CADM2: variants seen among roughly 807,000 people sequenced by gnomAD.
The protein encoded by CADM2 is immunoglobulin superfamily member 4D.
A neutral mutation model predicts 49.8 loss-of-function variants in CADM2; 12 were observed. The observed-to-expected ratio is 0.24, with a 90% CI of 0.15 to 0.39. CADM2 has a LOEUF of 0.39. CADM2 is among the 10% of genes least tolerant of loss of function. The pLI is 1.00. For synonymous variants in CADM2, 214 were observed against 175.4 expected, an observed-to-expected ratio of 1.22 and a Z score of -1.74; for missense variants, 378 against 492.3, an observed-to-expected ratio of 0.77 and a Z score of 2.20.
chr3:85,106,441 A>C (rs2038230587), intron 1 of CADM2, among the ~76,000 whole-genome samples: 1 of 152,154 alleles, frequency 6.6e-6, no homozygotes, highest in Non-Finnish European at 1.5e-5. Context: ...GAACCATTCC[A>C]GAATGAACAT....
At chr3:85,257,549 A>C (rs569307844) in intron 1 of CADM2, among the ~76,000 whole-genome samples, 1 of 152,236 alleles carries the variant, frequency 6.6e-6, no homozygotes, top group South Asian at 2.1e-4. Context: ...CAAATTTTGA[A>C]GGTAATGAGA....
intron 1 of CADM2, among the ~76,000 whole-genome samples, chr3:85,400,471 G>T (rs1320197223): frequency 6.6e-6 from 1 of 152,130 alleles, no homozygotes; most frequent in African/African-American, 2.4e-5. Flanking sequence ...CATAAAATGA[G>T]TTAGGGAGCA....
At chr3:85,677,655 G>A (rs919069556) in intron 1 of CADM2, among the ~76,000 whole-genome samples, 1 of 152,134 alleles carries the variant, frequency 6.6e-6, no homozygotes, top group African/African-American at 2.4e-5. Flanking sequence ...AAAATGTATA[G>A]TTAAATAATG....
At chr3:85,394,073 G>T (rs368339441) in intron 1 of CADM2, among the ~76,000 whole-genome samples, 1 of 152,142 alleles carries the variant, frequency 6.6e-6, no homozygotes, top group South Asian at 2.1e-4. Flanking sequence ...GGGATTACAG[G>T]CGTAAGCCAC....
At chr3:85,493,293 A>T (rs1382722240) in intron 1 of CADM2, among the ~76,000 whole-genome samples, 1 of 152,160 alleles carries the variant, frequency 6.6e-6, no homozygotes, top group Non-Finnish European at 1.5e-5. Flanking sequence ...GTATTAATAT[A>T]ATTCCCTATT....
chr3:85,078,851 G>A (rs74529593), intron 1 of CADM2, among the ~76,000 whole-genome samples: 3,955 of 151,602 alleles, frequency 0.026, 130 homozygotes, highest in African/African-American at 0.075. Context: ...CACTCTTGCC[G>A]TAGCACTTTA....
rs1315452906 is a variant in CADM2, at chr3:85,769,531, A to AG, written c.89-32516_89-32515insG. On this transcript the variant is annotated intron_variant, in intron 2 of 9. Coordinates refer to ENST00000383699, the MANE Select transcript of CADM2 (RefSeq NM_001167675.2). ...TATATACACGTATATACATATATGT[A>AG]TATATACACGTATATACATATATGT... Among the ~76,000 whole-genome samples the AG allele has an allele frequency of 5.7e-3, 688 of 120,674 alleles. 120 individuals carry two copies. The highest frequency in any genetic ancestry group is 0.023 in the African/African-American group (663 of 28,798). The allele number at this position is 120,674 out of a possible 152,430, so 79.2% of individuals were successfully genotyped here. A position where few individuals can be genotyped will look rare whatever the true frequency, so the allele number is the denominator to read the frequency against.
At chr3:85,678,912 A>T (rs1189266731) in intron 1 of CADM2, among the ~76,000 whole-genome samples, 1 of 152,130 alleles carries the variant, frequency 6.6e-6, no homozygotes, top group African/African-American at 2.4e-5. Flanking sequence ...GATATCAGGA[A>T]TGCTGCTAAA....
intron 8 of CADM2, among the ~76,000 whole-genome samples, chr3:86,049,070 T>C (rs1444410262): frequency 1.3e-5 from 2 of 152,048 alleles, no homozygotes; most frequent in African/African-American, 2.4e-5. Flanking sequence ...ACAAAAACCT[T>C]TCATGTAATG....
At chr3:85,068,189 TG>T (rs2036591947) in intron 1 of CADM2, among the ~76,000 whole-genome samples, 1 of 152,190 alleles carries the variant, frequency 6.6e-6, no homozygotes, top group Non-Finnish European at 1.5e-5. Flanking sequence ...ATGGAAAACT[TG>T]GGGCAGGAAT....
intron 1 of CADM2, among the ~76,000 whole-genome samples, chr3:85,618,896 A>T (rs2063881416): frequency 6.6e-6 from 1 of 151,938 alleles, no homozygotes; most frequent in South Asian, 2.1e-4. Context: ...TTTCTGTAAA[A>T]GAGGCATAGT....
rs2043677725 is a variant in CADM2 at position 85,287,979 on chromosome 3, G to A, written c.61+328311G>A. ...GAGGGAGGGGGGAGGGATAGCATTA[G>A]GAGATATACCTAATGTAAATGAGAA... On this transcript the variant is annotated intron_variant, in intron 1 of 9. Coordinates refer to ENST00000383699, the MANE Select transcript of CADM2 (RefSeq NM_001167675.2). Among the ~76,000 whole-genome samples, 4 of 151,322 alleles carry A rather than the reference G, an allele frequency of 2.6e-5. No homozygotes were observed. In the South Asian group the frequency reaches 8.4e-4, roughly 32 times the overall value.
intron 1 of CADM2, among the ~76,000 whole-genome samples, chr3:85,429,918 A>G (rs2036587420): frequency 6.6e-6 from 1 of 152,148 alleles, no homozygotes; most frequent in Admixed American, 6.6e-5. Context: ...CTAAAATACT[A>G]TCTGGCTCCT....
chr3:85,678,332 A>G (rs2065942798), intron 1 of CADM2, among the ~76,000 whole-genome samples: 1 of 152,212 alleles, frequency 6.6e-6, no homozygotes, highest in South Asian at 2.1e-4. Flanking sequence ...CCTTAGTACC[A>G]GACTTCATCC....
At chr3:85,598,419 T>G (rs1265472004) in intron 1 of CADM2, among the ~76,000 whole-genome samples, 2 of 151,992 alleles carry the variant, frequency 1.3e-5, no homozygotes, top group East Asian at 3.9e-4. Flanking sequence ...ATATTTAGAA[T>G]TTTTTAGATA....
rs1467639825 is a variant in CADM2, at chr3:85,976,662, C to T, written c.970+15015C>T. Among the ~76,000 whole-genome samples the T allele has an allele frequency of 3.3e-5, 5 of 151,482 alleles. No homozygotes were observed. In the South Asian group the frequency reaches 6.2e-4, roughly 19 times the overall value. ...AAAAACATGTAACAGTAACAGGCAT[C>T]GGTTTCTTTATGACAAGTCATTTTT... is the stretch of plus-strand genomic sequence containing the variant. On this transcript the variant is annotated intron_variant, in intron 8 of 9. Transcript: ENST00000383699.
In CADM2 at chr3:85,048,486, A is replaced by G. The variant is rs1051520489; in HGVS notation, c.61+88818A>G. On this transcript the variant is annotated intron_variant, in intron 1 of 9. Coordinates refer to ENST00000383699, the MANE Select transcript of CADM2 (RefSeq NM_001167675.2). ...CAGCTGTAACCAAGAAAGACTGTTG[A>G]GGCAGCAGAGATAAAATATCATAAG... 3.9e-5 allele frequency among the ~76,000 whole-genome samples: 6 copies of G among 152,160 alleles called. No homozygotes were observed. In the East Asian group the frequency reaches 7.7e-4, roughly 20 times the overall value.
Position 85,823,699 on chromosome 3 carries a change from TTA to T in CADM2, c.238+21505_238+21506del, listed in dbSNP as rs2073737069. ...AGAGCTATTAATTTGCATTGTACAA[TTA>T]TTTTTCATTTTAAGCAAATCTATAG... On this transcript the variant is annotated intron_variant, in intron 3 of 9. Coordinates refer to ENST00000383699, the MANE Select transcript of CADM2 (RefSeq NM_001167675.2). Among the ~76,000 whole-genome samples the T allele has an allele frequency of 2.0e-5, 3 of 152,272 alleles. No individual in the cohort carries two copies. The South Asian group carries it at 6.2e-4, about 32-fold the overall frequency.
At chr3:85,030,605 C>G (rs1179275453) in intron 1 of CADM2, among the ~76,000 whole-genome samples, 2 of 152,176 alleles carry the variant, frequency 1.3e-5, no homozygotes, top group Non-Finnish European at 2.9e-5. Context: ...CTAATAAAAC[C>G]TGTCAAACAG....
Sources: allele counts gnomAD v4.1 joint callset (sites outside exome capture counted in the v4.1 genomes callset), GRCh38; gene constraint gnomAD v4.1.1; transcripts MANE v1.5; gene names NCBI Gene and HGNC (gene_info 2026-07-23, HGNC 2026-07-21).